Variants in SLC16A7 observed in about 807,000 individuals in gnomAD.
The protein encoded by SLC16A7 is monocarboxylate transporter 2.
A neutral mutation model predicts 34.9 loss-of-function variants in SLC16A7; 33 were observed. The ratio of observed to expected loss-of-function variants is 0.94; its 90% confidence interval spans 0.72 to 1.26. The LOEUF is 1.26. Ranked by LOEUF, SLC16A7 falls within the 50% of genes most tolerant of loss-of-function variation. SLC16A7 has a pLI of 0.00. For synonymous variants in SLC16A7, 201 were observed against 206.6 expected (o/e 0.97, Z 0.23); for missense variants, 573 against 578.1 (o/e 0.99, Z 0.09).
chr12:59,757,120 G>T (rs59085053), intron 3 of SLC16A7, among the ~76,000 whole-genome samples: 13,172 of 107,114 alleles, frequency 0.12, 846 homozygotes, highest in Middle Eastern at 0.27. Context: ...GTGGGGGGAG[G>T]GGGGAGGGAT....
chr12:59,657,339 A>G (rs1413717083), intron 2 of SLC16A7, among the ~76,000 whole-genome samples: 1 of 151,952 alleles, frequency 6.6e-6, no homozygotes, highest in Non-Finnish European at 1.5e-5. Context: ...TGTATATTCT[A>G]TAATAATTCA....
rs1565722430 is a variant in SLC16A7 at position 59,779,729 on chromosome 12, G to T, written c.*50G>T. ...TGTTTATGACTTTATCTAGGAGTTT[G>T]TTTTTCATTTTGTTTTTTTAAAGTA... On this transcript the variant is annotated 3_prime_UTR_variant, in exon 6 of 6. Transcript: ENST00000547379. The T allele has an allele frequency of 6.9e-7, 1 of 1,445,252 alleles. No individual in the cohort carries two copies. Among genetic ancestry groups the T allele is most frequent in the East Asian group, 2.4e-5 (1 of 42,406 alleles). The allele number at this position is 1,445,252 out of a possible 1,614,324, so 89.5% of individuals were successfully genotyped here.
intron 1 of SLC16A7, among the ~76,000 whole-genome samples, chr12:59,632,375 C>T (rs1488891202): frequency 6.6e-6 from 1 of 151,908 alleles, no homozygotes; most frequent in Non-Finnish European, 1.5e-5. Flanking sequence ...GTTTCTCAAC[C>T]TCAGCACTAT....
intron 1 of SLC16A7, among the ~76,000 whole-genome samples, chr12:59,630,195 T>C (rs1299556294): frequency 6.6e-6 from 1 of 151,890 alleles, no homozygotes; most frequent in Non-Finnish European, 1.5e-5. Flanking sequence ...GTGGTATGTT[T>C]TCTCTTTGGG....
intron 1 of SLC16A7, among the ~76,000 whole-genome samples, chr12:59,653,680 A>G (rs1868394153): frequency 6.6e-6 from 1 of 151,696 alleles, no homozygotes; most frequent in Non-Finnish European, 1.5e-5. Flanking sequence ...TTACTAAATT[A>G]CCATGTATAT....
chr12:59,746,871 G>T (rs1383803931), intron 3 of SLC16A7, among the ~76,000 whole-genome samples: 1 of 152,140 alleles, frequency 6.6e-6, no homozygotes, highest in African/African-American at 2.4e-5. Flanking sequence ...ATCTCACTCT[G>T]TCATGCAGGC....
chr12:59,673,571 T>C (rs1045018652), intron 2 of SLC16A7, among the ~76,000 whole-genome samples: 1 of 152,110 alleles, frequency 6.6e-6, no homozygotes, highest in African/African-American at 2.4e-5. Context: ...TATATTTTCT[T>C]CTCTTTTGTG....
chr12:59,608,907 A>G (rs1376716435), intron 1 of SLC16A7, among the ~76,000 whole-genome samples: 2 of 152,218 alleles, frequency 1.3e-5, no homozygotes, highest in Admixed American at 6.5e-5. Flanking sequence ...AATGCCTAGA[A>G]ACCTAATTAT....
intron 1 of SLC16A7, among the ~76,000 whole-genome samples, chr12:59,641,181 T>G (rs1222868657): frequency 1.3e-5 from 2 of 152,074 alleles, no homozygotes; most frequent in East Asian, 3.9e-4. Flanking sequence ...TCACTAACTC[T>G]TCCATCCCAG....
chr12:59,644,148 A>G (rs1193267507), intron 1 of SLC16A7, among the ~76,000 whole-genome samples: 1 of 150,602 alleles, frequency 6.6e-6, no homozygotes, highest in Non-Finnish European at 1.5e-5. Flanking sequence ...TTTAGAACTT[A>G]GTAAAGGTGG....
At chr12:59,744,718 T>C (rs1321526958) in intron 3 of SLC16A7, among the ~76,000 whole-genome samples, 2 of 152,168 alleles carry the variant, frequency 1.3e-5, no homozygotes, top group Non-Finnish European at 2.9e-5. Flanking sequence ...AAAAGAGTGC[T>C]GACTGTAACA....
At chr12:59,734,715 C>T (rs889586398) in intron 3 of SLC16A7, among the ~76,000 whole-genome samples, 1 of 152,194 alleles carries the variant, frequency 6.6e-6, no homozygotes, top group Non-Finnish European at 1.5e-5. Flanking sequence ...AGTAAAATTC[C>T]TCTGAGATTA....
chr12:59,664,219 A>G (rs1869014082), intron 2 of SLC16A7, among the ~76,000 whole-genome samples: 1 of 152,158 alleles, frequency 6.6e-6, no homozygotes, highest in Non-Finnish European at 1.5e-5. Context: ...TTGTTTGGCA[A>G]AATGCTTACC....
At chr12:59,696,107 C>G (rs1370993645) in intron 2 of SLC16A7, among the ~76,000 whole-genome samples, 1 of 151,084 alleles carries the variant, frequency 6.6e-6, no homozygotes, top group Non-Finnish European at 1.5e-5. Context: ...ATAGTGAATG[C>G]CAATAAGAAT....
chr12:59,615,075 C>T (rs1473148475), intron 1 of SLC16A7, among the ~76,000 whole-genome samples: 1 of 151,914 alleles, frequency 6.6e-6, no homozygotes, highest in Non-Finnish European at 1.5e-5. Context: ...GCCTCTTGCT[C>T]TTCTGTCTTC....
intron 2 of SLC16A7, among the ~76,000 whole-genome samples, chr12:59,672,089 AT>A (rs1402544108): frequency 0.56 from 10 of 18 alleles, 5 homozygotes; most frequent in Non-Finnish European, 0.8. Flanking sequence ...ATGTGTATAT[AT>A]CGCATATATC....
intron 1 of SLC16A7, among the ~76,000 whole-genome samples, chr12:59,638,186 A>C (rs1249025531): frequency 2.0e-5 from 3 of 152,156 alleles, no homozygotes; most frequent in African/African-American, 7.2e-5. Flanking sequence ...GAAGGAGGAA[A>C]ACCCAGCAAA....
At chr12:59,646,738 G>A (rs767553905) in intron 1 of SLC16A7, among the ~76,000 whole-genome samples, 15 of 152,154 alleles carry the variant, frequency 9.9e-5, no homozygotes, top group Non-Finnish European at 1.9e-4. Flanking sequence ...CTCAATTCCA[G>A]CCCATGAAAG....
intron 3 of SLC16A7, among the ~76,000 whole-genome samples, chr12:59,745,628 A>G (rs1443524259): frequency 1.3e-5 from 2 of 152,228 alleles, no homozygotes; most frequent in African/African-American, 4.8e-5. Context: ...ACATGCCATA[A>G]TATAGAACTG....
Sources: gnomAD v4.1 joint callset for allele counts (sites outside exome capture counted in the v4.1 genomes callset) on GRCh38, gnomAD v4.1.1 for gene constraint, MANE v1.5 for transcripts, NCBI Gene and HGNC (gene_info 2026-07-23, HGNC 2026-07-21) for gene names.